The following BTBD1 variants were observed in gnomAD, a reference collection of about 807,000 sequenced individuals.
The protein encoded by BTBD1 is BTB/POZ domain-containing protein 1.
Under a neutral mutation model 48.0 loss-of-function variants are expected in BTBD1, and 34 were observed. The observed-to-expected ratio is 0.71, with a 90% confidence interval of 0.54 to 0.94. BTBD1 has a LOEUF of 0.94. BTBD1 is among the 40% of genes least tolerant of loss of function. BTBD1 has a pLI of 0.00. For synonymous variants in BTBD1, 261 were observed against 242.1 expected (o/e 1.08, Z -0.72); for missense variants, 543 against 625.6 (o/e 0.87, Z 1.41).
chr15:83,034,017 G>A (rs949868345), intron 4 of BTBD1, among the ~76,000 whole-genome samples: 6 of 151,140 alleles, frequency 4.0e-5, no homozygotes, highest in Admixed American at 2.6e-4. Context: ...GAGCCCAGGA[G>A]GTTGACGCTG....
intron 1 of BTBD1, among the ~76,000 whole-genome samples, chr15:83,064,002 G>T (rs1292886869): frequency 6.6e-6 from 1 of 152,102 alleles, no homozygotes; most frequent in Non-Finnish European, 1.5e-5. Flanking sequence ...ACAGCCATTC[G>T]CTGTTTCACA....
chr15:83,044,770 A>G, intron 3 of BTBD1: 1 of 1,431,598 alleles, frequency 7.0e-7, no homozygotes, highest in Admixed American at 1.7e-5. Flanking sequence ...AAAGTAGAAT[A>G]AAAATTCCAT....
At position 83,066,734 on chromosome 15, in the gene BTBD1, C is replaced by T. The variant is rs909165021; in HGVS notation, c.401+17G>A. ...CCCGGCCCGGCCCGGCCCGGCCCGG[C>T]CCGCGCTGCCGCTCACCTCAGCAGC... is the stretch of plus-strand genomic sequence containing the variant. On this transcript the variant is annotated intron_variant, in intron 1 of 7. Transcript: ENST00000261721. The T allele has an allele frequency of 1.6e-6, 2 of 1,279,422 alleles. No homozygotes were observed. The highest frequency in any genetic ancestry group is 1.7e-5 in the African/African-American group (1 of 58,106). 79.3% of individuals were successfully genotyped at this position (1,279,422 alleles called of 1,614,324 possible). A position where few individuals can be genotyped will look rare whatever the true frequency, so the allele number is the denominator to read the frequency against.
chr15:83,042,017 A>T, intron 3 of BTBD1, 92 bp from the exon 4 acceptor site: 2 of 1,053,914 alleles, frequency 1.9e-6, no homozygotes, highest in Non-Finnish European at 2.8e-6. Context: ...AAGTTTTCAG[A>T]TCTCAACAAA....
intron 1 of BTBD1, among the ~76,000 whole-genome samples, chr15:83,064,965 C>T (rs1166708918): frequency 6.6e-6 from 1 of 152,104 alleles, no homozygotes; most frequent in Non-Finnish European, 1.5e-5. Context: ...GGTGACTTTG[C>T]TTAGCATTTT....
intron 1 of BTBD1, among the ~76,000 whole-genome samples, chr15:83,057,932 G>C (rs2033115293): frequency 6.6e-6 from 1 of 152,240 alleles, no homozygotes; most frequent in Non-Finnish European, 1.5e-5. Context: ...AGAGTGGGAA[G>C]CCAGCCCTAG....
At chr15:83,066,004 A>G (rs1480006996) in intron 1 of BTBD1, among the ~76,000 whole-genome samples, 1 of 152,118 alleles carries the variant, frequency 6.6e-6, no homozygotes, top group Non-Finnish European at 1.5e-5. Context: ...ACAAAAACAA[A>G]AAAGTGGCCA....
At chr15:83,040,699 CAAAAAA>C (rs71156070) in intron 4 of BTBD1, among the ~76,000 whole-genome samples, 2 of 57,232 alleles carry the variant, frequency 3.5e-5, no homozygotes. Flanking sequence ...GACCCTGTCT[CAAAAAA>C]AAAAAAAAAA....
rs1186958955 is a variant in BTBD1 at position 83,039,575 on chromosome 15, C to T, written c.862+2153G>A. On this transcript the variant is annotated intron_variant, in intron 4 of 7. Transcript: ENST00000261721. ...ATCACTTCAGGTCAACAGTTCAAGA[C>T]CAGCCTGCACAACATGGTGAAACCC... 3.9e-5 allele frequency among the ~76,000 whole-genome samples: 6 copies of T among 151,926 alleles called. No homozygotes were observed. The East Asian group carries it at 1.2e-3, about 29-fold the overall frequency.
At position 83,067,223 on chromosome 15, in the gene BTBD1, G is replaced by T. The variant is rs1269987050; in HGVS notation, c.-72C>A. 1.5e-6 allele frequency: 2 copies of T among 1,303,460 alleles called. No homozygotes were observed. Among genetic ancestry groups the T allele is most frequent in the African/African-American group, 1.5e-5 (1 of 65,100 alleles). 80.7% of individuals were successfully genotyped at this position (1,303,460 alleles called of 1,614,324 possible). On this transcript the variant is annotated 5_prime_UTR_variant, in exon 1 of 8. Coordinates refer to ENST00000261721, the MANE Select transcript of BTBD1 (RefSeq NM_025238.4). ...ATCGCCCAGGCCGCCTCCGGAGGCC[G>T]GCGCTGCCTCCCTGCCTTCCGGGAA...
At chr15:83,050,798 C>T (rs1304886767) in intron 2 of BTBD1, among the ~76,000 whole-genome samples, 1 of 152,012 alleles carries the variant, frequency 6.6e-6, no homozygotes, top group Non-Finnish European at 1.5e-5. Flanking sequence ...AGAACAAATA[C>T]ATAAAATTCA....
intron 3 of BTBD1, among the ~76,000 whole-genome samples, chr15:83,048,962 TGAG>T (rs2032930511): frequency 6.6e-6 from 1 of 152,232 alleles, no homozygotes; most frequent in African/African-American, 2.4e-5. Flanking sequence ...GTGAAAATTT[TGAG>T]GAGGACCTCC....
chr15:83,037,292 G>C (rs983868762), intron 4 of BTBD1, among the ~76,000 whole-genome samples: 2 of 152,180 alleles, frequency 1.3e-5, no homozygotes, highest in Non-Finnish European at 2.9e-5. Flanking sequence ...CTGGCTAAGA[G>C]GTGAAGGTGG....
chr15:83,063,853 T>C (rs771393116), intron 1 of BTBD1, among the ~76,000 whole-genome samples: 1 of 152,246 alleles, frequency 6.6e-6, no homozygotes, highest in Non-Finnish European at 1.5e-5. Context: ...AGAATGTTCC[T>C]TCTCTCATAA....
chr15:83,066,633 G>A, intron 1 of BTBD1, 118 bp downstream of exon 1: 2 of 1,122,748 alleles, frequency 1.8e-6, no homozygotes, highest in Non-Finnish European at 2.3e-6. Context: ...GCCCCGGGCG[G>A]GTCAGAAGAG....
intron 4 of BTBD1, among the ~76,000 whole-genome samples, chr15:83,033,407 T>C (rs2032562159): frequency 6.6e-6 from 1 of 152,038 alleles, no homozygotes; most frequent in East Asian, 1.9e-4. Context: ...AGGGCAAATA[T>C]ATAGGCAAAT....
At chr15:83,043,612 A>G (rs2032811505) in intron 3 of BTBD1, among the ~76,000 whole-genome samples, 1 of 152,186 alleles carries the variant, frequency 6.6e-6, no homozygotes, top group Admixed American at 6.5e-5. Context: ...GGAAGTGGTG[A>G]AAATTGATCA....
Position 83,026,340 on chromosome 15 carries a change from G to C in BTBD1, c.1055+3796C>G, listed in dbSNP as rs574128884. On this transcript the variant is annotated intron_variant, in intron 5 of 7. Coordinates refer to ENST00000261721, the MANE Select transcript of BTBD1 (RefSeq NM_025238.4). ...CATACTCGATTTCACAAAGGTTTAGGGGGGCACTACTGGCAAGGAACTAGG... is the reference window on the plus strand; with the variant it reads ...CATACTCGATTTCACAAAGGTTTAGCGGGGCACTACTGGCAAGGAACTAGG... Among the ~76,000 whole-genome samples, 172 of 152,104 alleles carry C rather than the reference G, an allele frequency of 1.1e-3. 1 individual carries two copies. Among genetic ancestry groups the C allele is most frequent in the African/African-American group, 4.0e-3 (166 of 41,482 alleles).
At chr15:83,044,848 G>T in intron 3 of BTBD1, 1 of 856,660 alleles carries the variant, frequency 1.2e-6, no homozygotes, top group Non-Finnish European at 1.9e-6. Context: ...TCTCCATAGT[G>T]TTTTTTTTCA....
Sources: allele counts gnomAD v4.1 joint callset (sites outside exome capture counted in the v4.1 genomes callset), GRCh38; gene constraint gnomAD v4.1.1; transcripts MANE v1.5; gene names NCBI Gene and HGNC (gene_info 2026-07-23, HGNC 2026-07-21).